The following CACNA1C variants were observed in gnomAD, a reference collection of about 807,000 sequenced individuals.
CACNA1C encodes the protein calcium voltage-gated channel subunit alpha1 C.
In CACNA1C, 30 loss-of-function variants were observed where a neutral mutation model predicts 229.0. That is an observed-to-expected ratio of 0.13 (90% CI 0.10 to 0.18). The LOEUF (loss-of-function observed/expected upper bound fraction) is 0.18, where lower values mean the gene tolerates loss of function less well. CACNA1C is among the 10% of genes least tolerant of loss of function. CACNA1C has a pLI of 1.00. For synonymous variants in CACNA1C, 1,114 were observed against 1,132.5 expected, an observed-to-expected ratio of 0.98 and a Z score of 0.33; for missense variants, 1,658 against 2,845.0, an observed-to-expected ratio of 0.58 and a Z score of 9.49.
At chr12:2,140,759 G>T (rs555209203) in intron 3 of CACNA1C, among the ~76,000 whole-genome samples, 3 of 151,514 alleles carry the variant, frequency 2.0e-5, no homozygotes, top group African/African-American at 7.2e-5. Context: ...CAGGCTAGGT[G>T]CTGGAAAAGC....
chr12:2,313,384 C>T (rs1435720756), intron 3 of CACNA1C, among the ~76,000 whole-genome samples: 1 of 152,168 alleles, frequency 6.6e-6, no homozygotes, highest in East Asian at 1.9e-4. Context: ...AAAGTTGCCT[C>T]AAAACTGCTC....
intron 27 of CACNA1C, 52 bp from the exon 28 acceptor site, chr12:2,610,489 A>G: frequency 6.4e-7 from 1 of 1,562,514 alleles, no homozygotes; most frequent in Non-Finnish European, 8.7e-7. Flanking sequence ...AGCTCCCCCC[A>G]CACCCTCCAG....
At chr12:2,090,324 T>TC (rs2070169939) in intron 1 of CACNA1C, among the ~76,000 whole-genome samples, 1 of 138,762 alleles carries the variant, frequency 7.2e-6, no homozygotes, top group South Asian at 2.5e-4. Flanking sequence ...TTTTTTTTTT[T>TC]TTTTTTTTTT....
intron 1 of CACNA1C, chr12:1,998,098 A>G: frequency 1.3e-6 from 1 of 743,598 alleles, no homozygotes; most frequent in Non-Finnish European, 2.1e-6. Context: ...ACCCAACATG[A>G]GGAGTTATTC....
At chr12:2,336,171 A>G (rs2096688454) in intron 3 of CACNA1C, among the ~76,000 whole-genome samples, 1 of 152,224 alleles carries the variant, frequency 6.6e-6, no homozygotes, top group South Asian at 2.1e-4. Flanking sequence ...CTGTGAAAAT[A>G]CCCTATGCTA....
chr12:2,438,358 A>ATGGTGGTGGTG lies in CACNA1C; in HGVS notation c.478-10618_478-10617insTGGTGGTGGTG, dbSNP rs1340602660. Reference sequence around the variant, plus strand: ...TGATGATAATGATGATGGTGGTGGTAATGATGGTGGTGGTGGTGATGGTGG... The same window carrying ATGGTGGTGGTG: ...TGATGATAATGATGATGGTGGTGGTATGGTGGTGGTGATGATGGTGGTGGTGGTGATGGTGG... On this transcript the variant is annotated intron_variant, in intron 3 of 46. Transcript: ENST00000399655. Among the ~76,000 whole-genome samples the ATGGTGGTGGTG allele has an allele frequency of 8.9e-3, 641 of 71,718 alleles. 6 individuals carry two copies. Among genetic ancestry groups the ATGGTGGTGGTG allele is most frequent in the Non-Finnish European group, 0.015 (517 of 33,604 alleles). 47.0% of individuals were successfully genotyped at this position (71,718 alleles called of 152,430 possible). A position where few individuals can be genotyped will look rare whatever the true frequency, so the allele number is the denominator to read the frequency against.
At chr12:2,229,654 C>T (rs2064132533) in intron 3 of CACNA1C, among the ~76,000 whole-genome samples, 1 of 152,132 alleles carries the variant, frequency 6.6e-6, no homozygotes, top group Non-Finnish European at 1.5e-5. Context: ...CAGGGGATGC[C>T]TGAGCACCAT....
intron 1 of CACNA1C, among the ~76,000 whole-genome samples, chr12:1,999,627 G>A (rs1414057081): frequency 1.3e-5 from 2 of 152,156 alleles, no homozygotes; most frequent in Non-Finnish European, 2.9e-5. Flanking sequence ...TCAGGAGGCT[G>A]AGGAGGGAGG....
At chr12:2,385,514 C>G (rs1314448675) in intron 3 of CACNA1C, among the ~76,000 whole-genome samples, 1 of 152,216 alleles carries the variant, frequency 6.6e-6, no homozygotes, top group East Asian at 1.9e-4. Context: ...CCGCTGCTGT[C>G]TCTCCATGAC....
chr12:2,332,294 CTA>C (rs2154515070), intron 3 of CACNA1C, among the ~76,000 whole-genome samples: 1 of 152,268 alleles, frequency 6.6e-6, no homozygotes. Flanking sequence ...GGGGAAGCAT[CTA>C]TGTGAGTGTC....
intron 1 of CACNA1C, among the ~76,000 whole-genome samples, chr12:2,088,945 C>T (rs1234444439): frequency 2.0e-5 from 3 of 152,158 alleles, no homozygotes; most frequent in Non-Finnish European, 2.9e-5. Flanking sequence ...TTAAATGAAT[C>T]ACGTTGTTAA....
Position 2,053,291 on chromosome 12 carries a change from A to G in CACNA1C, c.-272A>G. 8.7e-7 allele frequency: 1 copy of G among 1,152,158 alleles called. No individual in the cohort carries two copies. Among genetic ancestry groups the G allele is most frequent in the South Asian group, 3.7e-5 (1 of 26,708 alleles). The allele number at this position is 1,152,158 out of a possible 1,614,324, so 71.4% of individuals were successfully genotyped here. ...TGTAGCCGCCGGAGGTGCGGTGCTC[A>G]GTTCTTGGAAGGGGCCCGGATGTAC... is the stretch of plus-strand genomic sequence containing the variant. On this transcript the variant is annotated 5_prime_UTR_variant, in exon 1 of 47. Transcript: ENST00000399655. This position sits in a 1 kb window ranked among gnomAD's most constrained non-coding sequence, Gnocchi z 5.8.
chr12:2,656,929 T>C (rs74057318), intron 34 of CACNA1C, among the ~76,000 whole-genome samples: 2,331 of 151,782 alleles, frequency 0.015, 73 homozygotes, highest in African/African-American at 0.054. Flanking sequence ...CAAAAGTATA[T>C]ATGTAATAGA....
chr12:2,105,372 G>A (rs1297189753), intron 1 of CACNA1C, among the ~76,000 whole-genome samples: 1 of 152,162 alleles, frequency 6.6e-6, no homozygotes, highest in Non-Finnish European at 1.5e-5. Flanking sequence ...CGGTCTCCTT[G>A]TTTTGGAGCA....
chr12:2,669,400 A>G (rs1320439615), intron 38 of CACNA1C, among the ~76,000 whole-genome samples: 1 of 152,222 alleles, frequency 6.6e-6, no homozygotes, highest in Non-Finnish European at 1.5e-5. Context: ...GTTGGGCCAC[A>G]TTCAAAGCCG....
chr12:2,517,916 A>G (rs764929115), intron 9 of CACNA1C, among the ~76,000 whole-genome samples: 2 of 152,364 alleles, frequency 1.3e-5, no homozygotes, highest in African/African-American at 2.4e-5. Context: ...TCTCTCTTTC[A>G]TGTCATTAAG....
chr12:2,098,530 A>C (rs1189642356), intron 1 of CACNA1C, among the ~76,000 whole-genome samples: 3 of 152,178 alleles, frequency 2.0e-5, no homozygotes, highest in Non-Finnish European at 4.4e-5. Context: ...ATCCCCTGAC[A>C]ATGGAAGAAT....
chr12:2,448,714 T>A (rs1303777793), intron 3 of CACNA1C, among the ~76,000 whole-genome samples: 1 of 152,066 alleles, frequency 6.6e-6, no homozygotes, highest in Admixed American at 6.6e-5. Flanking sequence ...AAATATGAAA[T>A]TTTTCCACTA....
At chr12:2,138,612 G>C (rs542123150) in intron 3 of CACNA1C, among the ~76,000 whole-genome samples, 3 of 151,054 alleles carry the variant, frequency 2.0e-5, no homozygotes, top group African/African-American at 4.8e-5. Flanking sequence ...CACGCTTCCT[G>C]CCCATCGGAG....
Sources: gnomAD v4.1 joint callset for allele counts (sites outside exome capture counted in the v4.1 genomes callset) on GRCh38, gnomAD v4.1.1 for gene constraint, Gnocchi (gnomAD v3.1) non-coding constraint, MANE v1.5 for transcripts, NCBI Gene and HGNC (gene_info 2026-07-23, HGNC 2026-07-21) for gene names.